Variants in PTPRG observed in about 807,000 individuals in gnomAD.
The protein encoded by PTPRG is receptor-type tyrosine-protein phosphatase gamma.
PTPRG carries 102 observed loss-of-function variants against 165.3 expected under a neutral mutation model. The observed-to-expected ratio is 0.62, with a 90% CI of 0.53 to 0.73. The LOEUF is 0.73. Ranked by LOEUF, PTPRG falls within the 30% of genes least tolerant of loss-of-function variation. The pLI is 0.00. For missense variants in PTPRG, 1,866 were observed against 1,861.4 expected, an observed-to-expected ratio of 1.00 and a Z score of -0.05; for synonymous variants, 675 against 669.5, an observed-to-expected ratio of 1.01 and a Z score of -0.13.
At chr3:62,208,684 T>G (rs986579380) in intron 12 of PTPRG, among the ~76,000 whole-genome samples, 1 of 152,040 alleles carries the variant, frequency 6.6e-6, no homozygotes, top group Non-Finnish European at 1.5e-5. Flanking sequence ...TGAGACAGAG[T>G]GGAGGGTGCA....
intron 1 of PTPRG, among the ~76,000 whole-genome samples, chr3:61,656,020 A>G (rs903735350): frequency 6.6e-6 from 1 of 151,152 alleles, no homozygotes; most frequent in Non-Finnish European, 1.5e-5. Context: ...TTTGATACCA[A>G]CGTGGGCAAC....
At chr3:61,814,144 G>A (rs1215701415) in intron 2 of PTPRG, among the ~76,000 whole-genome samples, 1 of 152,120 alleles carries the variant, frequency 6.6e-6, no homozygotes, top group East Asian at 1.9e-4. Flanking sequence ...CAGGCAATCT[G>A]CCCGCCTCAG....
intron 1 of PTPRG, among the ~76,000 whole-genome samples, chr3:61,670,685 A>G (rs558979074): frequency 1.1e-4 from 16 of 152,310 alleles, no homozygotes; most frequent in South Asian, 6.2e-4. Context: ...AATCTCTCGC[A>G]GTCCCCCGGC....
chr3:62,008,255 T>G (rs1054085876), intron 4 of PTPRG, among the ~76,000 whole-genome samples: 22 of 152,344 alleles, frequency 1.4e-4, no homozygotes, highest in African/African-American at 5.3e-4. Context: ...ATAAAACCTT[T>G]GAGAACTCCA....
At chr3:61,678,579 C>T (rs1213204229) in intron 1 of PTPRG, among the ~76,000 whole-genome samples, 3 of 152,130 alleles carry the variant, frequency 2.0e-5, no homozygotes, top group African/African-American at 7.2e-5. Flanking sequence ...GGAGCATCCC[C>T]AGACAAGATG....
intron 28 of PTPRG, among the ~76,000 whole-genome samples, chr3:62,287,884 T>C (rs1702729940): frequency 6.6e-6 from 1 of 152,014 alleles, no homozygotes. Flanking sequence ...TTTCAATACA[T>C]TCCCCCAAAA....
At chr3:61,951,873 A>T (rs2039907632) in intron 2 of PTPRG, among the ~76,000 whole-genome samples, 2 of 152,148 alleles carry the variant, frequency 1.3e-5, no homozygotes, top group South Asian at 4.1e-4. Flanking sequence ...TAATCCCAGC[A>T]CTTTGGGAGG....
chr3:62,289,199 C>G (rs1171599689), intron 28 of PTPRG, among the ~76,000 whole-genome samples: 1 of 152,062 alleles, frequency 6.6e-6, no homozygotes, highest in Non-Finnish European at 1.5e-5. Context: ...TTTATTCAAC[C>G]TGAAATGGAG....
chr3:61,836,062 CAA>C lies in PTPRG; in HGVS notation c.190+87090_190+87091del, dbSNP rs749017389. Among the ~76,000 whole-genome samples the C allele has an allele frequency of 2.4e-3, 245 of 103,640 alleles. 1 individual carries two copies. The highest frequency in any genetic ancestry group is 7.6e-3 in the African/African-American group (216 of 28,528). 68.0% of individuals were successfully genotyped at this position (103,640 alleles called of 152,430 possible). ...TCTCACCCCCCGCGCCCCCCCCCACCAAAAAAAAAAATATATATATATATACA... is the reference window on the plus strand; with the variant it reads ...TCTCACCCCCCGCGCCCCCCCCCACCAAAAAAAAATATATATATATATACA... On this transcript the variant is annotated intron_variant, in intron 2 of 29. Transcript: ENST00000474889.
chr3:61,841,450 A>G (rs1325319283), intron 2 of PTPRG, among the ~76,000 whole-genome samples: 2 of 152,214 alleles, frequency 1.3e-5, no homozygotes, highest in African/African-American at 4.8e-5. Context: ...CTGTAGGTAT[A>G]AAGTCATTAT....
intron 5 of PTPRG, among the ~76,000 whole-genome samples, chr3:62,105,932 G>A (rs1217035346): frequency 6.6e-6 from 1 of 152,170 alleles, no homozygotes; most frequent in Non-Finnish European, 1.5e-5. Context: ...ACAGATGCAA[G>A]CTATGCTTTA....
intron 1 of PTPRG, among the ~76,000 whole-genome samples, chr3:61,563,187 C>T (rs1699811244): frequency 6.6e-6 from 1 of 151,514 alleles, no homozygotes; most frequent in Non-Finnish European, 1.5e-5. Context: ...GGTTGCTGTT[C>T]GCGCCGGGGC....
At chr3:62,044,843 G>T (rs571887083) in intron 4 of PTPRG, among the ~76,000 whole-genome samples, 222 of 152,042 alleles carry the variant, frequency 1.5e-3, no homozygotes, top group Non-Finnish European at 2.4e-3. Flanking sequence ...ACTTTGTCCT[G>T]TATGTTTATT....
intron 1 of PTPRG, among the ~76,000 whole-genome samples, chr3:61,578,701 G>A (rs77413585): frequency 0.012 from 1,776 of 152,338 alleles, 34 homozygotes; most frequent in African/African-American, 0.04. Flanking sequence ...GCCCAGAAGG[G>A]CTTCTAGCTT....
chr3:61,884,502 A>C (rs1454941551), intron 2 of PTPRG, among the ~76,000 whole-genome samples: 1 of 152,226 alleles, frequency 6.6e-6, no homozygotes. Flanking sequence ...GCCTAGAAGA[A>C]AAGACTATGG....
intron 10 of PTPRG, among the ~76,000 whole-genome samples, chr3:62,199,196 A>G (rs1417262850): frequency 6.6e-6 from 1 of 152,162 alleles, no homozygotes; most frequent in Non-Finnish European, 1.5e-5. Flanking sequence ...TTGATCTTTG[A>G]GCAGCTCAAT....
chr3:62,061,663 C>A (rs1001599128), intron 4 of PTPRG, among the ~76,000 whole-genome samples: 8 of 148,096 alleles, frequency 5.4e-5, no homozygotes, highest in Non-Finnish European at 1.0e-4. Context: ...GAGTCTCGCT[C>A]TGTCGCCCAG....
chr3:61,871,163 GTGTTATGTTATGTTATGTTATGTTA>G (rs201503322), intron 2 of PTPRG, among the ~76,000 whole-genome samples: 1,542 of 116,578 alleles, frequency 0.013, 32 homozygotes, highest in East Asian at 0.074. Context: ...GTGTTGTGTT[GTGTTATGTTATGTTATGTTATGTTA>G]TGTTATGTTA....
chr3:61,942,807 A>G (rs979047916), intron 2 of PTPRG, among the ~76,000 whole-genome samples: 2 of 152,260 alleles, frequency 1.3e-5, no homozygotes, highest in African/African-American at 4.8e-5. Flanking sequence ...AAATTGTCCC[A>G]GAGAATAGAA....
Sources: allele counts gnomAD v4.1 joint callset (sites outside exome capture counted in the v4.1 genomes callset), GRCh38; gene constraint gnomAD v4.1.1; transcripts MANE v1.5; gene names NCBI Gene and HGNC (gene_info 2026-07-23, HGNC 2026-07-21).